The following ARHGEF28 variants were observed in gnomAD, a reference collection of about 807,000 sequenced individuals.
The protein encoded by ARHGEF28 is Rho guanine nucleotide exchange factor 28.
Under a neutral mutation model 206.6 loss-of-function variants are expected in ARHGEF28, and 152 were observed. The ratio of observed to expected loss-of-function variants is 0.74; its 90% CI spans 0.64 to 0.84. The LOEUF (loss-of-function observed/expected upper bound fraction) is 0.84, where lower values mean the gene tolerates loss of function less well. Ranked by LOEUF, ARHGEF28 falls within the 40% of genes least tolerant of loss-of-function variation. The pLI, the probability that ARHGEF28 is intolerant of heterozygous loss-of-function variation, is 0.00. For synonymous variants in ARHGEF28, 763 were observed against 776.4 expected (o/e 0.98, Z 0.29); for missense variants, 2,028 against 2,073.2 (o/e 0.98, Z 0.42).
At chr5:73,870,754 T>A (rs1760056170) in intron 21 of ARHGEF28, among the ~76,000 whole-genome samples, 1 of 152,188 alleles carries the variant, frequency 6.6e-6, no homozygotes, top group South Asian at 2.1e-4. Flanking sequence ...TGAGATTGTA[T>A]TTTGTCATGC....
chr5:73,814,114 T>C (rs901115539), intron 9 of ARHGEF28, among the ~76,000 whole-genome samples: 6 of 152,108 alleles, frequency 3.9e-5, no homozygotes, highest in African/African-American at 1.4e-4. Context: ...GTATAGTAAT[T>C]TAAAAAAATT....
At chr5:73,857,965 C>A in intron 15 of ARHGEF28, 122 bp from the exon 16 acceptor site, 1 of 1,448,578 alleles carries the variant, frequency 6.9e-7, no homozygotes, top group Non-Finnish European at 9.3e-7. Flanking sequence ...TGTGTGCAGT[C>A]CTTATATTCT....
chr5:73,904,656 A>G, intron 33 of ARHGEF28: 1 of 496,710 alleles, frequency 2.0e-6, no homozygotes, highest in Non-Finnish European at 3.5e-6. Context: ...ATTGATGAAT[A>G]TGATCTGGCT....
intron 30 of ARHGEF28, chr5:73,899,982 T>G (rs1762169394): frequency 6.6e-6 from 1 of 152,214 alleles, no homozygotes; most frequent in African/African-American, 2.4e-5. Context: ...TGGCCACTCT[T>G]TAAGAGTTAG....
intron 35 of ARHGEF28, among the ~76,000 whole-genome samples, chr5:73,933,476 T>C (rs1396153734): frequency 6.6e-6 from 1 of 152,198 alleles, no homozygotes; most frequent in African/African-American, 2.4e-5. Flanking sequence ...GATCTAAACA[T>C]AGTTGGCATC....
intron 2 of ARHGEF28, among the ~76,000 whole-genome samples, chr5:73,741,930 G>A (rs2112378481): frequency 6.6e-6 from 1 of 152,254 alleles, no homozygotes; most frequent in East Asian, 1.9e-4. Flanking sequence ...GTTTCCCACT[G>A]TGATTGTGGA....
At chr5:73,712,395 C>T (rs966412208) in intron 2 of ARHGEF28, among the ~76,000 whole-genome samples, 1 of 152,160 alleles carries the variant, frequency 6.6e-6, no homozygotes, top group African/African-American at 2.4e-5. Flanking sequence ...ACATAGTCTA[C>T]CTTTTTTGAC....
At chr5:73,807,021 TA>T (rs1755548078) in intron 9 of ARHGEF28, among the ~76,000 whole-genome samples, 1 of 147,726 alleles carries the variant, frequency 6.8e-6, no homozygotes, top group South Asian at 2.2e-4. Context: ...TGAACAAGTC[TA>T]TGGCATGTAA....
At chr5:73,662,097 T>C (rs1745640993) in intron 1 of ARHGEF28, among the ~76,000 whole-genome samples, 1 of 152,220 alleles carries the variant, frequency 6.6e-6, no homozygotes, top group East Asian at 1.9e-4. Flanking sequence ...TTGCTGCTAA[T>C]GTTAGTTTCT....
chr5:73,739,166 A>G (rs998475540), intron 2 of ARHGEF28, among the ~76,000 whole-genome samples: 6 of 152,116 alleles, frequency 3.9e-5, no homozygotes, highest in African/African-American at 1.2e-4. Flanking sequence ...GAGGAACATT[A>G]ATATGTAATC....
intron 9 of ARHGEF28, among the ~76,000 whole-genome samples, chr5:73,829,759 T>C (rs979254667): frequency 1.3e-5 from 2 of 152,192 alleles, no homozygotes; most frequent in African/African-American, 2.4e-5. Context: ...TTAGGTATTT[T>C]TTAAATTAAT....
At chr5:73,796,663 G>A (rs1754839501) in intron 9 of ARHGEF28, among the ~76,000 whole-genome samples, 1 of 152,232 alleles carries the variant, frequency 6.6e-6, no homozygotes, top group Admixed American at 6.5e-5. Context: ...CTTGCTGCAT[G>A]TGGCCCTACT....
In ARHGEF28 at chr5:73,718,220, C is replaced by T. The variant is rs576659644; in HGVS notation, c.34-31617C>T. Among the ~76,000 whole-genome samples, 43 of 152,178 alleles carry T rather than the reference C, an allele frequency of 2.8e-4. 1 individual carries two copies. The highest frequency in any genetic ancestry group is 1.0e-3 in the African/African-American group (42 of 41,520). On this transcript the variant is annotated intron_variant, in intron 2 of 35. Coordinates refer to ENST00000513042, the MANE Select transcript of ARHGEF28 (RefSeq NM_001177693.2). ...CTAGTTAGCAGGATTATAGACCTCC[C>T]AAAGTTATACTCAGGTATGAAGAAG... is the stretch of plus-strand genomic sequence containing the variant.
At chr5:73,728,890 C>T (rs1750440842) in intron 2 of ARHGEF28, among the ~76,000 whole-genome samples, 1 of 152,118 alleles carries the variant, frequency 6.6e-6, no homozygotes, top group Non-Finnish European at 1.5e-5. Context: ...ACGGTGCTGG[C>T]ATTAAAATGT....
In ARHGEF28 at chr5:73,646,267, G is replaced by A. The variant is rs532327370; in HGVS notation, c.-12+19945G>A. 2.6e-4 allele frequency among the ~76,000 whole-genome samples: 40 copies of A among 152,278 alleles called. 1 individual carries two copies. In the South Asian group the frequency reaches 8.1e-3, roughly 31 times the overall value. On this transcript the variant is annotated intron_variant, in intron 1 of 35. Coordinates refer to ENST00000513042, the MANE Select transcript of ARHGEF28 (RefSeq NM_001177693.2). The stretch of plus-strand genomic sequence containing the variant: ...CGCAGACCCTGATTATATAGTGTCT[G>A]GATTGGTGCTATTCTCCTTGACTTC...
chr5:73,909,806 CGAGGA>C lies in ARHGEF28; in HGVS notation c.4557_4561del (p.Arg1520AlafsTer33). The C allele has an allele frequency of 6.5e-7, 1 of 1,535,150 alleles. No homozygotes were observed. The highest frequency in any genetic ancestry group is 8.7e-7 in the Non-Finnish European group (1 of 1,148,892). On this transcript the variant is annotated frameshift_variant, in exon 34 of 36. Transcript: ENST00000513042. LOFTEE classifies it high-confidence loss of function. ...CAGCGCCTGGTGGAGAGGGAGCAGG[CGAGGA>C]TGCGGGCCCAGCAGAGCCTGCTGGG...
chr5:73,752,371 A>G (rs992408558), intron 3 of ARHGEF28, among the ~76,000 whole-genome samples: 2 of 152,144 alleles, frequency 1.3e-5, no homozygotes. Context: ...ACACACACAC[A>G]TAGATATGTA....
intron 9 of ARHGEF28, among the ~76,000 whole-genome samples, chr5:73,831,787 G>A (rs1305105671): frequency 1.3e-5 from 2 of 152,370 alleles, no homozygotes; most frequent in Non-Finnish European, 2.9e-5. Flanking sequence ...CACCTCCCAG[G>A]TTCAAGTGCT....
At chr5:73,814,293 C>G (rs1186137015) in intron 9 of ARHGEF28, among the ~76,000 whole-genome samples, 1 of 151,976 alleles carries the variant, frequency 6.6e-6, no homozygotes, top group Non-Finnish European at 1.5e-5. Flanking sequence ...AAGTAAAATC[C>G]TTTACTGCTG....
Sources: gnomAD v4.1 joint callset for allele counts (sites outside exome capture counted in the v4.1 genomes callset) on GRCh38, gnomAD v4.1.1 for gene constraint, MANE v1.5 for transcripts, NCBI Gene and HGNC (gene_info 2026-07-23, HGNC 2026-07-21) for gene names.